The following NWD2 variants were observed in gnomAD, a reference collection of about 807,000 sequenced individuals.
NWD2 encodes the protein NACHT and WD repeat domain-containing protein 2.
Under a neutral mutation model 132.7 loss-of-function variants are expected in NWD2, and 37 were observed. That is an observed-to-expected ratio of 0.28 (90% CI 0.21 to 0.37). The LOEUF (loss-of-function observed/expected upper bound fraction) is 0.37. NWD2 is among the 10% of genes least tolerant of loss of function. The probability of loss-of-function intolerance (pLI) is 1.00; values close to 1 mark genes in which losing one functional copy is unlikely to be tolerated. For synonymous variants in NWD2, 705 were observed against 803.0 expected, an observed-to-expected ratio of 0.88 and a Z score of 2.06; for missense variants, 1,592 against 2,122.4, an observed-to-expected ratio of 0.75 and a Z score of 4.91.
Position 37,271,408 on chromosome 4 carries a change from G to A in NWD2, c.151+26190G>A, listed in dbSNP as rs189376589. 1.8e-4 allele frequency among the ~76,000 whole-genome samples: 28 copies of A among 151,936 alleles called. 1 individual carries two copies. The East Asian group carries it at 5.4e-3, about 29-fold the overall frequency. On this transcript the variant is annotated intron_variant, in intron 1 of 6. Coordinates refer to ENST00000309447, the MANE Select transcript of NWD2 (RefSeq NM_001144990.2). ...ACAGTGTATTGTAGATTTCAGGAAA[G>A]AGATCTTGCACATCTTTTGTTAAAT...
chr4:37,282,338 A>G (rs746734809), intron 1 of NWD2, among the ~76,000 whole-genome samples: 2 of 151,710 alleles, frequency 1.3e-5, no homozygotes, highest in African/African-American at 2.4e-5. Context: ...GCAGAATAAC[A>G]ATGGGTTTTT....
chr4:37,291,143 G>T (rs992761567), intron 1 of NWD2, among the ~76,000 whole-genome samples: 1 of 152,138 alleles, frequency 6.6e-6, no homozygotes, highest in Non-Finnish European at 1.5e-5. Flanking sequence ...GGTCATCTCT[G>T]AGTAGTTAGA....
chr4:37,394,793 T>G (rs1361114507), intron 3 of NWD2, among the ~76,000 whole-genome samples: 1 of 131,014 alleles, frequency 7.6e-6, no homozygotes, highest in Non-Finnish European at 1.6e-5. Flanking sequence ...ATAGTGAACC[T>G]TTATGGTTTT....
chr4:37,443,506 G>C lies in NWD2; in HGVS notation c.1518G>C (p.Gln506His). ...FINLLNESSL[Q>H]RPLVIIFDAL... Reference sequence around the variant, plus strand: ...ATCTTTTGAATGAGTCTTCACTGCAGAGACCTCTAGTCATAATATTCGATG... The same window carrying C: ...ATCTTTTGAATGAGTCTTCACTGCACAGACCTCTAGTCATAATATTCGATG... The change falls in exon 7 of 7, where the codon CAG becomes CAC. Residue 506 changes from glutamine (Q) to histidine (H), a missense_variant. By Grantham distance (24) the Gln-to-His change is conservative. Coordinates refer to ENST00000309447, the MANE Select transcript of NWD2 (RefSeq NM_001144990.2). The surrounding 1 kb of genome is among the most constrained non-coding windows in gnomAD (Gnocchi z 4.1). 1 of 1,551,966 alleles carries C rather than the reference G, an allele frequency of 6.4e-7. No individual in the cohort carries two copies. The highest frequency in any genetic ancestry group is 2.4e-5 in the East Asian group (1 of 40,920).
rs186982291 is a variant in NWD2, at chr4:37,254,588, A to G, written c.151+9370A>G. Among the ~76,000 whole-genome samples, 3 of 152,346 alleles carry G rather than the reference A, an allele frequency of 2.0e-5. No homozygotes were observed. In the East Asian group the frequency reaches 5.8e-4, roughly 29 times the overall value. ...CAGTGTAGAAGGAAATGTGATATTA[A>G]CTTAAAGACACTCTTGCATCACTTC... On this transcript the variant is annotated intron_variant, in intron 1 of 6. Coordinates refer to ENST00000309447, the MANE Select transcript of NWD2 (RefSeq NM_001144990.2).
At chr4:37,394,102 A>G (rs1048543904) in intron 3 of NWD2, among the ~76,000 whole-genome samples, 1 of 152,228 alleles carries the variant, frequency 6.6e-6, no homozygotes, top group African/African-American at 2.4e-5. Context: ...CACACTGAGC[A>G]CTTAAGTAAA....
Position 37,439,610 on chromosome 4 carries a change from T to C in NWD2, c.1296+220T>C, listed in dbSNP as rs1712427977. Among the ~76,000 whole-genome samples the C allele has an allele frequency of 6.6e-6, 1 of 152,182 alleles. No individual in the cohort carries two copies. Among genetic ancestry groups the C allele is most frequent in the Non-Finnish European group, 1.5e-5 (1 of 68,040 alleles). On this transcript the variant is annotated intron_variant, in intron 6 of 6. Coordinates refer to ENST00000309447, the MANE Select transcript of NWD2 (RefSeq NM_001144990.2). This position sits in a 1 kb window ranked among gnomAD's most constrained non-coding sequence, Gnocchi z 4.5. ...TGGAAAGCAAGTTTATTTTTTTCTT[T>C]CACTGTTCAGACTCATGTTGTGGGC...
chr4:37,266,285 A>G (rs746173622), intron 1 of NWD2, among the ~76,000 whole-genome samples: 4 of 152,110 alleles, frequency 2.6e-5, no homozygotes, highest in Non-Finnish European at 5.9e-5. Flanking sequence ...TGAATTGTTT[A>G]AACACAGACC....
At chr4:37,341,245 T>C (rs915476282) in intron 2 of NWD2, among the ~76,000 whole-genome samples, 9 of 152,232 alleles carry the variant, frequency 5.9e-5, no homozygotes, top group African/African-American at 2.2e-4. Flanking sequence ...TAGTCTAACA[T>C]AAGTGTTCTG....
In NWD2 at chr4:37,444,985, A is replaced by C; in HGVS notation, c.2997A>C (p.Arg999=). 6.4e-7 allele frequency: 1 copy of C among 1,551,992 alleles called. No individual in the cohort carries two copies. Among genetic ancestry groups the C allele is most frequent in the Non-Finnish European group, 8.7e-7 (1 of 1,147,064 alleles). The change falls in exon 7 of 7, where the codon CGA becomes CGC. Residue 999 remains arginine, a synonymous_variant. Coordinates refer to ENST00000309447, the MANE Select transcript of NWD2 (RefSeq NM_001144990.2). The surrounding 1 kb of genome is among the most constrained non-coding windows in gnomAD (Gnocchi z 4.8). ...TCAGCACCTGGGATGTAGAGACTCG[A>C]CAGCTACTCAGGCAAATCACCACAG... ...GSISTWDVET[R]QLLRQITTAQ... is the part of the protein sequence containing the mutation.
intron 1 of NWD2, among the ~76,000 whole-genome samples, chr4:37,253,045 T>C (rs923010530): frequency 7.3e-5 from 11 of 149,952 alleles, no homozygotes; most frequent in African/African-American, 2.4e-4. Flanking sequence ...CTCCCTTTGT[T>C]ATAATTAGAT....
At chr4:37,291,204 G>C (rs879647519) in intron 1 of NWD2, among the ~76,000 whole-genome samples, 3 of 151,826 alleles carry the variant, frequency 2.0e-5, no homozygotes, top group Non-Finnish European at 4.4e-5. Context: ...GTACCTCTTT[G>C]ATTTTCTTGC....
At chr4:37,371,071 T>C (rs1353754496) in intron 3 of NWD2, among the ~76,000 whole-genome samples, 1 of 57,654 alleles carries the variant, frequency 1.7e-5, no homozygotes, top group Admixed American at 2.8e-4. Flanking sequence ...AATTTTTTTT[T>C]CTTTTTCTTT....
In NWD2 at chr4:37,323,386, T is replaced by C. The variant is rs190471835; in HGVS notation, c.152-2550T>C. On this transcript the variant is annotated intron_variant, in intron 1 of 6. Transcript: ENST00000309447. ...ACCCCATTACAAACAGACAAAGACA[T>C]GAGCAGATACTTCTTAAAAGAAGAC... Among the ~76,000 whole-genome samples, 554 of 152,202 alleles carry C rather than the reference T, an allele frequency of 3.6e-3. 2 individuals are homozygous for C. The highest frequency in any genetic ancestry group is 0.012 in the African/African-American group (507 of 41,518).
At chr4:37,378,571 A>G (rs532465455) in intron 3 of NWD2, among the ~76,000 whole-genome samples, 268 of 152,316 alleles carry the variant, frequency 1.8e-3, no homozygotes, top group Non-Finnish European at 3.1e-3. Flanking sequence ...TTGTTACACA[A>G]TCACCATTCT....
At chr4:37,280,142 C>T (rs1483160774) in intron 1 of NWD2, among the ~76,000 whole-genome samples, 4 of 152,078 alleles carry the variant, frequency 2.6e-5, no homozygotes, top group Non-Finnish European at 5.9e-5. Context: ...TTACCACAGG[C>T]GAATTGATAT....
chr4:37,431,318 T>C (rs988177908), intron 4 of NWD2, among the ~76,000 whole-genome samples: 9 of 152,198 alleles, frequency 5.9e-5, no homozygotes, highest in Non-Finnish European at 8.8e-5. Flanking sequence ...TATACACACA[T>C]ACTGTGATAT....
intron 3 of NWD2, among the ~76,000 whole-genome samples, chr4:37,399,057 T>C (rs1442646377): frequency 2.0e-5 from 3 of 152,252 alleles, no homozygotes; most frequent in Non-Finnish European, 4.4e-5. Flanking sequence ...CATTTTATAA[T>C]ACTGAATTTT....
At chr4:37,313,221 A>T (rs1434374636) in intron 1 of NWD2, among the ~76,000 whole-genome samples, 1 of 150,896 alleles carries the variant, frequency 6.6e-6, no homozygotes, top group African/African-American at 2.5e-5. Flanking sequence ...TCCTCCTTGT[A>T]CCTCTGGTAG....
Sources: gnomAD v4.1 joint callset for allele counts (sites outside exome capture counted in the v4.1 genomes callset) on GRCh38, gnomAD v4.1.1 for gene constraint, Gnocchi (gnomAD v3.1) non-coding constraint, MANE v1.5 for transcripts, NCBI Gene and HGNC (gene_info 2026-07-23, HGNC 2026-07-21) for gene names.